PTPRM: variants seen among roughly 807,000 people sequenced by gnomAD.
PTPRM encodes the protein receptor-type tyrosine-protein phosphatase mu.
PTPRM carries 47 observed loss-of-function variants against 186.7 expected under a neutral mutation model. The ratio of observed to expected loss-of-function variants is 0.25; its 90% CI spans 0.20 to 0.32. The LOEUF (loss-of-function observed/expected upper bound fraction) is 0.32, where lower values mean the gene tolerates loss of function less well. Among genes scored for constraint, PTPRM ranks in the 10% least tolerant of loss-of-function variants. The probability of loss-of-function intolerance (pLI) is 1.00; values close to 1 mark genes in which losing one functional copy is unlikely to be tolerated. For missense variants in PTPRM, 1,494 were observed against 1,865.0 expected (o/e 0.80, Z 3.66); for synonymous variants, 668 against 674.9 (o/e 0.99, Z 0.16).
intron 6 of PTPRM, 119 bp downstream of exon 6, chr18:7,949,474 T>C: frequency 1.2e-6 from 1 of 839,204 alleles, no homozygotes; most frequent in Non-Finnish European, 1.7e-6. Flanking sequence ...AGTGGTTTGA[T>C]GACAGGCTAT....
At chr18:7,747,816 T>C (rs939371793) in intron 1 of PTPRM, among the ~76,000 whole-genome samples, 1 of 152,004 alleles carries the variant, frequency 6.6e-6, no homozygotes, top group African/African-American at 2.4e-5. Flanking sequence ...TCCCGAGGGG[T>C]TAGGAGTACA....
At chr18:8,093,556 T>C (rs2090865548) in intron 11 of PTPRM, among the ~76,000 whole-genome samples, 1 of 152,218 alleles carries the variant, frequency 6.6e-6, no homozygotes, top group Admixed American at 6.5e-5. Context: ...CTCTGATGAA[T>C]CTTAAGTTTG....
intron 2 of PTPRM, among the ~76,000 whole-genome samples, chr18:7,790,099 G>T (rs1272705955): frequency 6.6e-6 from 1 of 152,142 alleles, no homozygotes; most frequent in African/African-American, 2.4e-5. Context: ...GACTTTGCTT[G>T]ACTTCTAGTT....
intron 1 of PTPRM, among the ~76,000 whole-genome samples, chr18:7,697,520 A>G (rs2039870878): frequency 6.6e-6 from 1 of 152,208 alleles, no homozygotes; most frequent in Non-Finnish European, 1.5e-5. Flanking sequence ...CGATGAAAGA[A>G]CACTATTGTG....
At chr18:8,129,047 T>G (rs2145915220) in intron 13 of PTPRM, among the ~76,000 whole-genome samples, 1 of 152,194 alleles carries the variant, frequency 6.6e-6, no homozygotes, top group African/African-American at 2.4e-5. Context: ...ATTACGCATA[T>G]CCAAAAAGAA....
chr18:7,727,865 A>AG lies in PTPRM; in HGVS notation c.74-46282dup, dbSNP rs559965479. ...GATCATCTCCTGTGTGCCAGGCACT[A>AG]GGCCAGGTGCTTTACAAATGTTATC... On this transcript the variant is annotated intron_variant, in intron 1 of 32. Coordinates refer to ENST00000580170, the MANE Select transcript of PTPRM (RefSeq NM_001105244.2). 3.2e-3 allele frequency among the ~76,000 whole-genome samples: 486 copies of AG among 152,350 alleles called. 7 individuals are homozygous for AG. The highest frequency in any genetic ancestry group is 0.027 in the Middle Eastern group (8 of 294).
chr18:7,822,457 C>G (rs1268174705), intron 2 of PTPRM, among the ~76,000 whole-genome samples: 1 of 152,194 alleles, frequency 6.6e-6, no homozygotes, highest in East Asian at 1.9e-4. Context: ...ATACTATGAA[C>G]TTATGGACTG....
chr18:7,814,475 G>A (rs1050367557), intron 2 of PTPRM: 2 of 152,240 alleles, frequency 1.3e-5, no homozygotes, highest in African/African-American at 4.8e-5. Flanking sequence ...AGGGGGTAAT[G>A]AGGAAATGCA....
intron 1 of PTPRM, among the ~76,000 whole-genome samples, chr18:7,677,560 C>A (rs2039374111): frequency 6.6e-6 from 1 of 152,258 alleles, no homozygotes; most frequent in South Asian, 2.1e-4. Context: ...ACTGATTGCA[C>A]CCAAGACTGA....
At chr18:8,307,106 G>A (rs2095229997) in intron 20 of PTPRM, among the ~76,000 whole-genome samples, 2 of 152,186 alleles carry the variant, frequency 1.3e-5, no homozygotes, top group African/African-American at 4.8e-5. Context: ...CAGTTTCTGT[G>A]CCAAGTCATT....
At chr18:7,869,804 G>A (rs1399355434) in intron 2 of PTPRM, among the ~76,000 whole-genome samples, 1 of 152,148 alleles carries the variant, frequency 6.6e-6, no homozygotes, top group African/African-American at 2.4e-5. Context: ...GTAATTATTA[G>A]ATGCTTTCTG....
At chr18:8,258,868 A>G (rs2094599760) in intron 19 of PTPRM, among the ~76,000 whole-genome samples, 1 of 148,298 alleles carries the variant, frequency 6.7e-6, no homozygotes, top group African/African-American at 2.5e-5. Context: ...CTATTCTTCA[A>G]AAAAAAAAAA....
At chr18:7,773,542 G>A (rs141044609) in intron 1 of PTPRM, among the ~76,000 whole-genome samples, 2 of 148,668 alleles carry the variant, frequency 1.3e-5, no homozygotes, top group African/African-American at 4.9e-5. Context: ...ATTTGCTTAG[G>A]TCTTACTTTC....
At chr18:8,372,895 C>T (rs1397355580) in intron 24 of PTPRM, among the ~76,000 whole-genome samples, 3 of 152,026 alleles carry the variant, frequency 2.0e-5, no homozygotes, top group Admixed American at 6.6e-5. Context: ...CTCTAATAAG[C>T]TGAAAATGCA....
chr18:7,875,001 T>C (rs181650502), intron 2 of PTPRM, among the ~76,000 whole-genome samples: 1 of 152,222 alleles, frequency 6.6e-6, no homozygotes, highest in East Asian at 2.0e-4. Flanking sequence ...GAGATCAGCC[T>C]GGCCAACATG....
intron 13 of PTPRM, among the ~76,000 whole-genome samples, chr18:8,121,644 T>C (rs1284110771): frequency 2.6e-5 from 4 of 152,202 alleles, no homozygotes; most frequent in Admixed American, 2.6e-4. Flanking sequence ...GCATTTTTTA[T>C]TCTCTTAAAG....
chr18:7,913,959 A>G (rs1352801737), intron 4 of PTPRM, among the ~76,000 whole-genome samples: 2 of 152,182 alleles, frequency 1.3e-5, no homozygotes, highest in Non-Finnish European at 2.9e-5. Context: ...ATTAAAGTTT[A>G]TAATATGGCC....
At chr18:7,865,886 TTTG>T (rs2146113768) in intron 2 of PTPRM, among the ~76,000 whole-genome samples, 1 of 152,310 alleles carries the variant, frequency 6.6e-6, no homozygotes, top group East Asian at 1.9e-4. Context: ...TATTCAGGGA[TTTG>T]ACTTCTTCGT....
intron 1 of PTPRM, among the ~76,000 whole-genome samples, chr18:7,701,523 C>G (rs2039966834): frequency 6.6e-6 from 1 of 151,638 alleles, no homozygotes; most frequent in South Asian, 2.1e-4. Flanking sequence ...TTGCTTGAAC[C>G]TGGGAGGTGG....
Sources: gnomAD v4.1 joint callset for allele counts (sites outside exome capture counted in the v4.1 genomes callset) on GRCh38, gnomAD v4.1.1 for gene constraint, MANE v1.5 for transcripts, NCBI Gene and HGNC (gene_info 2026-07-23, HGNC 2026-07-21) for gene names.